The following CCDC77 variants were observed in gnomAD, a reference collection of about 807,000 sequenced individuals.
CCDC77 encodes the protein coiled-coil domain-containing protein 77.
CCDC77 carries 56 observed loss-of-function variants against 66.8 expected under a neutral mutation model. The ratio of observed to expected loss-of-function variants is 0.84; its 90% CI spans 0.68 to 1.05. CCDC77 has a LOEUF of 1.05. Ranked by LOEUF, CCDC77 falls within the 50% of genes least tolerant of loss-of-function variation. CCDC77 has a pLI of 0.00. For synonymous variants in CCDC77, 196 were observed against 195.2 expected, an observed-to-expected ratio of 1.00 and a Z score of -0.03; for missense variants, 570 against 576.8, an observed-to-expected ratio of 0.99 and a Z score of 0.12.
chr12:401,923 G>A (rs1348889946), intron 1 of CCDC77, among the ~76,000 whole-genome samples: 1 of 152,190 alleles, frequency 6.6e-6, no homozygotes, highest in South Asian at 2.1e-4. Flanking sequence ...ATGGGATGAA[G>A]TGGGAAAAGG....
intron 7 of CCDC77, among the ~76,000 whole-genome samples, 189 bp from the exon 8 acceptor site, chr12:431,677 T>C (rs1591989743): frequency 6.6e-6 from 1 of 152,336 alleles, no homozygotes; most frequent in Middle Eastern, 3.4e-3. Flanking sequence ...GAGATTCCTA[T>C]TTGAAAAGTT....
rs1329767096 is a variant in CCDC77 at position 431,888 on chromosome 12, A to AC, written c.608dup (p.Ser204IlefsTer9). ...TAGATCCTAAAATAAGCAAAAGAAG[A>AC]CCATCGAGAGAGAGAAAAGAAAGTT... On this transcript the variant is annotated frameshift_variant, in exon 8 of 13. Transcript: ENST00000239830. LOFTEE classifies it high-confidence loss of function. The AC allele has an allele frequency of 3.7e-6, 6 of 1,609,698 alleles. No individual in the cohort carries two copies. The highest frequency in any genetic ancestry group is 3.3e-4 in the Middle Eastern group (2 of 6,060).
chr12:427,138 G>A (rs940881489), intron 5 of CCDC77, among the ~76,000 whole-genome samples: 4 of 151,972 alleles, frequency 2.6e-5, no homozygotes, highest in Non-Finnish European at 4.4e-5. Context: ...CCAGCTACTC[G>A]GGAGGCTGAA....
At chr12:402,366 A>G (rs1944912751) in intron 1 of CCDC77, among the ~76,000 whole-genome samples, 1 of 152,184 alleles carries the variant, frequency 6.6e-6, no homozygotes, top group South Asian at 2.1e-4. Context: ...TTGCACTTAG[A>G]TCATTTTTGC....
chr12:418,106 G>A (rs1219431788), intron 4 of CCDC77, among the ~76,000 whole-genome samples: 1 of 152,116 alleles, frequency 6.6e-6, no homozygotes, highest in Non-Finnish European at 1.5e-5. Context: ...ATCACTTGAG[G>A]TCAGGAGTTT....
At chr12:433,405 A>G in intron 9 of CCDC77, 83 bp downstream of exon 9, 1 of 1,551,764 alleles carries the variant, frequency 6.4e-7, no homozygotes, top group Non-Finnish European at 8.7e-7. Flanking sequence ...CTTGAACAAC[A>G]GCGGGTCATA....
chr12:415,280 A>AATATTATGTTAATATAATCAAC lies in CCDC77; in HGVS notation c.271-3210_271-3189dup, dbSNP rs1555144273. Among the ~76,000 whole-genome samples, 188 of 143,600 alleles carry AATATTATGTTAATATAATCAAC rather than the reference A, an allele frequency of 1.3e-3. 16 individuals carry two copies. The highest frequency in any genetic ancestry group is 4.8e-3 in the African/African-American group (182 of 38,204). The allele number at this position is 143,600 out of a possible 152,430, so 94.2% of individuals were successfully genotyped here. A position where few individuals can be genotyped will look rare whatever the true frequency, so the allele number is the denominator to read the frequency against. Reference sequence around the variant, plus strand: ...TATTTATTAACATAATTATTAACATAATATTATGTTAATATAATCAACATA... The same window carrying AATATTATGTTAATATAATCAAC: ...TATTTATTAACATAATTATTAACATAATATTATGTTAATATAATCAACATATTATGTTAATATAATCAACATA... On this transcript the variant is annotated intron_variant, in intron 4 of 12. Transcript: ENST00000239830.
chr12:392,118 A>G (rs1217985253), intron 1 of CCDC77, among the ~76,000 whole-genome samples: 1 of 152,200 alleles, frequency 6.6e-6, no homozygotes, highest in African/African-American at 2.4e-5. Context: ...GTATAACTGT[A>G]GTTTAAAAGG....
intron 1 of CCDC77, among the ~76,000 whole-genome samples, chr12:394,754 A>T (rs1157672332): frequency 2.6e-5 from 4 of 152,246 alleles, no homozygotes; most frequent in African/African-American, 9.6e-5. Context: ...ATGATGCATT[A>T]ATTTAGATAT....
intron 4 of CCDC77, among the ~76,000 whole-genome samples, chr12:416,470 A>C (rs1297356723): frequency 2.2e-5 from 3 of 135,412 alleles, no homozygotes; most frequent in Non-Finnish European, 4.7e-5. Context: ...GCTAGAGTGC[A>C]GTGGTGCCAT....
chr12:416,377 G>A (rs9668406), intron 4 of CCDC77, among the ~76,000 whole-genome samples: 3,288 of 19,492 alleles, frequency 0.17, 299 homozygotes, highest in East Asian at 0.31. Flanking sequence ...GTGTGTGTGT[G>A]TATATATATA....
At chr12:409,555 T>TCTCAAA in intron 3 of CCDC77, 134 bp downstream of exon 3, 1 of 789,156 alleles carries the variant, frequency 1.3e-6, no homozygotes, top group Non-Finnish European at 2.1e-6. Flanking sequence ...TTTCACTCTG[T>TCTCAAA]GCCCAGGATG....
At chr12:427,021 C>T (rs938750294) in intron 5 of CCDC77, among the ~76,000 whole-genome samples, 1 of 152,052 alleles carries the variant, frequency 6.6e-6, no homozygotes, top group Admixed American at 6.6e-5. Context: ...CTGAGGCGGG[C>T]AGATCACGAG....
intron 4 of CCDC77, among the ~76,000 whole-genome samples, chr12:413,072 G>A (rs765164663): frequency 2.7e-5 from 4 of 150,836 alleles, no homozygotes; most frequent in Non-Finnish European, 5.9e-5. Flanking sequence ...CCGAGTAGCT[G>A]GGACTGCAGG....
chr12:402,240 C>T (rs1001258991), intron 1 of CCDC77, among the ~76,000 whole-genome samples: 1 of 152,144 alleles, frequency 6.6e-6, no homozygotes, highest in African/African-American at 2.4e-5. Flanking sequence ...TTGGAAGAGG[C>T]AATGAAGAGT....
At chr12:395,353 T>C (rs1295864655) in intron 1 of CCDC77, 2 of 152,168 alleles carry the variant, frequency 1.3e-5, no homozygotes, top group African/African-American at 4.8e-5. Context: ...CCTCCCGAAG[T>C]GCTGGAATTA....
intron 5 of CCDC77, among the ~76,000 whole-genome samples, chr12:428,105 C>T (rs1158639330): frequency 6.6e-6 from 1 of 152,278 alleles, no homozygotes; most frequent in East Asian, 1.9e-4. Context: ...GGGGATTCAA[C>T]TACAAGCTAT....
upstream of CCDC77, among the ~76,000 whole-genome samples, chr12:397,110 A>C (rs534975435): frequency 6.7e-6 from 1 of 150,152 alleles, no homozygotes; most frequent in East Asian, 2.1e-4. Flanking sequence ...GATGGGGCTC[A>C]TGCCTGTAAT....
At chr12:414,184 C>T (rs11610457) in intron 4 of CCDC77, among the ~76,000 whole-genome samples, 26,733 of 150,576 alleles carry the variant, frequency 0.18, 3,033 homozygotes, top group Non-Finnish European at 0.24. Context: ...CCCTGTCTCC[C>T]GGGTTCAAAC....
Sources: allele counts gnomAD v4.1 joint callset (sites outside exome capture counted in the v4.1 genomes callset), GRCh38; gene constraint gnomAD v4.1.1; transcripts MANE v1.5; gene names NCBI Gene and HGNC (gene_info 2026-07-23, HGNC 2026-07-21).